Variants in SMARCA4 observed in about 807,000 individuals in gnomAD.
SMARCA4 encodes SWI/SNF related BAF chromatin remodeling complex subunit ATPase 4, also known as SWI/SNF-related matrix-associated actin-dependent regulator of chromatin subfamily A member 4.
In SMARCA4, 31 loss-of-function variants were observed where a neutral mutation model predicts 193.9. The observed-to-expected ratio is 0.16, with a 90% CI of 0.12 to 0.22. SMARCA4 has a LOEUF of 0.22. Among genes scored for constraint, SMARCA4 ranks in the 10% least tolerant of loss-of-function variants. The pLI, the probability that SMARCA4 is intolerant of heterozygous loss-of-function variation, is 1.00. For synonymous variants in SMARCA4, 942 were observed against 933.1 expected (o/e 1.01, Z -0.17); for missense variants, 1,148 against 2,296.0 (o/e 0.50, Z 10.22).
In SMARCA4 at chr19:11,002,799, C is replaced by CA. The variant is rs747143883; in HGVS notation, c.1813-208dup. On this transcript the variant is annotated intron_variant, in intron 11 of 34. Coordinates refer to ENST00000344626, the MANE Select transcript of SMARCA4 (RefSeq NM_003072.5). ...TGGGTGACAGAGCGAGACTCCGTCTCAAAAAAAAAAAAAAAAAAAAAAGAA... is the reference window on the plus strand; with the variant it reads ...TGGGTGACAGAGCGAGACTCCGTCTCAAAAAAAAAAAAAAAAAAAAAAAGAA... 8.2e-3 allele frequency among the ~76,000 whole-genome samples: 678 copies of CA among 82,838 alleles called. 5 individuals are homozygous for CA. Among genetic ancestry groups the CA allele is most frequent in the East Asian group, 0.014 (37 of 2,694 alleles). The allele number at this position is 82,838 out of a possible 152,430, so 54.3% of individuals were successfully genotyped here.
intron 16 of SMARCA4, among the ~76,000 whole-genome samples, chr19:11,015,451 G>A (rs1186269378): frequency 1.3e-5 from 2 of 152,100 alleles, no homozygotes; most frequent in South Asian, 2.1e-4. Flanking sequence ...ATGTGATCGC[G>A]TGGAGCAACA....
chr19:10,970,191 G>A (rs367906410), intron 1 of SMARCA4, among the ~76,000 whole-genome samples: 4 of 152,170 alleles, frequency 2.6e-5, no homozygotes, highest in African/African-American at 4.8e-5. Flanking sequence ...CATGTACGGA[G>A]GGGCCATTGA....
chr19:10,966,657 G>T (rs964421742), intron 1 of SMARCA4, among the ~76,000 whole-genome samples: 1 of 150,196 alleles, frequency 6.7e-6, no homozygotes, highest in Non-Finnish European at 1.5e-5. Flanking sequence ...GAGCCGAGGC[G>T]GGCGGATCGC....
chr19:11,000,240 AAAG>A (rs1303102997), intron 11 of SMARCA4, among the ~76,000 whole-genome samples: 11 of 151,252 alleles, frequency 7.3e-5, no homozygotes, highest in Non-Finnish European at 1.3e-4. Flanking sequence ...AAAAAAAAAA[AAAG>A]AAGTTACTTT....
At chr19:11,057,575 A>G (rs1353314874) in intron 30 of SMARCA4, among the ~76,000 whole-genome samples, 3 of 152,010 alleles carry the variant, frequency 2.0e-5, no homozygotes, top group Non-Finnish European at 4.4e-5. Context: ...CTAAAAATAC[A>G]AAAATTAGCC....
intron 1 of SMARCA4, among the ~76,000 whole-genome samples, chr19:10,968,925 C>T (rs1274519423): frequency 2.6e-5 from 4 of 152,198 alleles, no homozygotes. Flanking sequence ...TGCCTGCCTC[C>T]TGGAGGCATC....
chr19:10,977,173 A>T (rs968615398), intron 1 of SMARCA4, among the ~76,000 whole-genome samples: 1 of 152,152 alleles, frequency 6.6e-6, no homozygotes, highest in Non-Finnish European at 1.5e-5. Context: ...GATCGCACCT[A>T]GGGGTTTGCT....
chr19:11,042,635 C>G (rs1477559285), intron 30 of SMARCA4, among the ~76,000 whole-genome samples: 3 of 152,188 alleles, frequency 2.0e-5, no homozygotes, highest in Non-Finnish European at 4.4e-5. Flanking sequence ...GAGAATCTTA[C>G]CAAGTGTGAA....
At chr19:10,972,718 G>GT (rs1480644618) in intron 1 of SMARCA4, among the ~76,000 whole-genome samples, 4 of 152,194 alleles carry the variant, frequency 2.6e-5, no homozygotes, top group African/African-American at 9.6e-5. Context: ...TCTCCACACA[G>GT]TGTCACTCCT....
intron 1 of SMARCA4, among the ~76,000 whole-genome samples, chr19:10,983,257 G>C (rs771598489): frequency 3.3e-5 from 5 of 152,112 alleles, no homozygotes; most frequent in Non-Finnish European, 7.4e-5. Flanking sequence ...AAAAGGTGAC[G>C]TTTCCAAGTG....
chr19:10,976,359 C>G (rs762107490), intron 1 of SMARCA4, among the ~76,000 whole-genome samples: 1 of 152,046 alleles, frequency 6.6e-6, no homozygotes, highest in East Asian at 1.9e-4. Context: ...CACCCCAGCC[C>G]TTCAGGGAGG....
intron 22 of SMARCA4, 70 bp downstream of exon 22, chr19:11,025,578 C>G (rs2090193705): frequency 1.9e-6 from 2 of 1,057,344 alleles, no homozygotes; most frequent in Non-Finnish European, 2.9e-6. Flanking sequence ...GCTGGCTTCT[C>G]CTCGACAGCT....
chr19:11,003,270 G>T (rs2146104742), intron 12 of SMARCA4, 70 bp from the exon 13 acceptor site: 1 of 1,603,030 alleles, frequency 6.2e-7, no homozygotes, highest in Non-Finnish European at 8.5e-7. Context: ...ATTCCCGGCA[G>T]GTTTGGTAGG....
intron 16 of SMARCA4, among the ~76,000 whole-genome samples, chr19:11,018,529 G>T (rs989009031): frequency 1.3e-5 from 2 of 152,286 alleles, no homozygotes; most frequent in South Asian, 4.1e-4. Context: ...CGTGGCTGGA[G>T]GGTGGCAGAA....
chr19:11,018,477 G>A (rs967021088), intron 16 of SMARCA4: 17 of 280,120 alleles, frequency 6.1e-5, no homozygotes, highest in Non-Finnish European at 8.5e-5. Context: ...GCCCCGCCTC[G>A]CCCCTCACTG....
intron 1 of SMARCA4, among the ~76,000 whole-genome samples, chr19:10,972,462 C>G (rs1323801943): frequency 6.6e-6 from 1 of 151,324 alleles, no homozygotes; most frequent in South Asian, 2.1e-4. Flanking sequence ...TCATGTTTGG[C>G]TATTTCTGTC....
chr19:10,971,878 G>A (rs1022754979), intron 1 of SMARCA4, among the ~76,000 whole-genome samples: 9 of 151,520 alleles, frequency 5.9e-5, no homozygotes, highest in African/African-American at 2.2e-4. Context: ...CGCCTCCCGG[G>A]TTCAAGCGAT....
intron 13 of SMARCA4, among the ~76,000 whole-genome samples, chr19:11,004,049 C>G (rs1328912795): frequency 6.6e-6 from 1 of 151,724 alleles, no homozygotes; most frequent in Non-Finnish European, 1.5e-5. Flanking sequence ...TGGAGACTTG[C>G]TGTGTTGCCC....
rs117228547 is a variant in SMARCA4, at chr19:11,029,991, C to T, written c.3383-739C>T. The stretch of plus-strand genomic sequence containing the variant: ...GCGCCCGGCCTGCCAGTTTTTATTT[C>T]ATCACCAAAATGACTTCAGTGTTCA... On this transcript the variant is annotated intron_variant, in intron 24 of 34. Coordinates refer to ENST00000344626, the MANE Select transcript of SMARCA4 (RefSeq NM_003072.5). 6.5e-4 allele frequency among the ~76,000 whole-genome samples: 99 copies of T among 152,234 alleles called. 2 individuals are homozygous for T. In the East Asian group the frequency reaches 0.016, roughly 24 times the overall value.
Sources: gnomAD v4.1 joint callset for allele counts (sites outside exome capture counted in the v4.1 genomes callset) on GRCh38, gnomAD v4.1.1 for gene constraint, MANE v1.5 for transcripts, NCBI Gene and HGNC (gene_info 2026-07-23, HGNC 2026-07-21) for gene names.